The following DSCAM variants were observed in gnomAD, a reference collection of about 807,000 sequenced individuals.
DSCAM encodes DS cell adhesion molecule.
A neutral mutation model predicts 217.7 loss-of-function variants in DSCAM; 47 were observed. That is an observed-to-expected ratio of 0.22 (90% CI 0.17 to 0.28). The LOEUF (loss-of-function observed/expected upper bound fraction) is 0.28. DSCAM is among the 10% of genes least tolerant of loss of function. DSCAM has a pLI of 1.00. For missense variants in DSCAM, 2,080 were observed against 2,618.3 expected (o/e 0.79, Z 4.49); for synonymous variants, 1,056 against 1,015.3 (o/e 1.04, Z -0.76).
intron 3 of DSCAM, among the ~76,000 whole-genome samples, chr21:40,484,710 A>G (rs954269787): frequency 3.9e-5 from 6 of 152,162 alleles, no homozygotes; most frequent in African/African-American, 1.4e-4. Flanking sequence ...CCAAGCATAA[A>G]ATGCAACTCT....
chr21:40,433,500 G>T (rs2075555610), intron 3 of DSCAM, among the ~76,000 whole-genome samples: 1 of 152,148 alleles, frequency 6.6e-6, no homozygotes, highest in African/African-American at 2.4e-5. Context: ...ATTTTTCTTT[G>T]AAGATGATTT....
At chr21:40,713,467 G>C (rs2090805523) in intron 1 of DSCAM, among the ~76,000 whole-genome samples, 1 of 152,204 alleles carries the variant, frequency 6.6e-6, no homozygotes, top group South Asian at 2.1e-4. Context: ...TCACTAAGGA[G>C]AGATGGGAAG....
chr21:40,190,552 C>T lies in DSCAM; in HGVS notation c.2357-1314G>A, dbSNP rs138531940. On this transcript the variant is annotated intron_variant, in intron 11 of 32. Coordinates refer to ENST00000400454, the MANE Select transcript of DSCAM (RefSeq NM_001389.5). ...CAAAGAGAGAAGAAAGCTGCCTCAG[C>T]TTGTGTTATATATGTAGAAAAACAA... 3.5e-3 allele frequency among the ~76,000 whole-genome samples: 528 copies of T among 152,252 alleles called. 6 individuals are homozygous for T. The highest frequency in any genetic ancestry group is 0.012 in the African/African-American group (510 of 41,548).
intron 1 of DSCAM, among the ~76,000 whole-genome samples, chr21:40,781,101 G>A (rs572354508): frequency 2.4e-4 from 36 of 151,988 alleles, no homozygotes; most frequent in African/African-American, 6.0e-4. Flanking sequence ...CTCCACCTCC[G>A]GGGTTCAAGC....
chr21:40,243,172 G>T (rs1345529885), intron 11 of DSCAM, among the ~76,000 whole-genome samples: 1 of 152,178 alleles, frequency 6.6e-6, no homozygotes, highest in Non-Finnish European at 1.5e-5. Flanking sequence ...GAACATGAAA[G>T]CTCAGGAGAA....
intron 3 of DSCAM, among the ~76,000 whole-genome samples, chr21:40,455,363 C>A (rs980735256): frequency 3.3e-5 from 5 of 151,916 alleles, no homozygotes; most frequent in African/African-American, 4.8e-5. Context: ...TATAAGCTAT[C>A]AGAATACTTG....
chr21:40,131,400 TCTC>T (rs1450115739), intron 19 of DSCAM, among the ~76,000 whole-genome samples: 2 of 152,226 alleles, frequency 1.3e-5, no homozygotes, highest in Non-Finnish European at 2.9e-5. Context: ...TTCTAGTTCT[TCTC>T]TTCTTCCACC....
chr21:40,753,233 G>A (rs1011833299), intron 1 of DSCAM, among the ~76,000 whole-genome samples: 17 of 152,288 alleles, frequency 1.1e-4, no homozygotes, highest in African/African-American at 3.1e-4. Flanking sequence ...GGTATTCCTT[G>A]GTCTGTTAGT....
chr21:40,056,165 A>G (rs1442557321), intron 28 of DSCAM, among the ~76,000 whole-genome samples: 1 of 152,206 alleles, frequency 6.6e-6, no homozygotes, highest in Non-Finnish European at 1.5e-5. Flanking sequence ...TTAAAAACCA[A>G]CAGCATTTTC....
intron 27 of DSCAM, among the ~76,000 whole-genome samples, chr21:40,064,172 T>TAC (rs55895434): frequency 6.0e-5 from 9 of 150,914 alleles, no homozygotes; most frequent in Admixed American, 2.6e-4. Context: ...TATATATACA[T>TAC]ACACACACAC....
At position 40,693,010 on chromosome 21, in the gene DSCAM, G is replaced by A. The variant is rs1423144513; in HGVS notation, c.362-54C>T. ...GGCACACGGTCAACAGGCTCATTCT[G>A]AGAGTATCTCACTGTAATATATACA... On this transcript the variant is annotated intron_variant, in intron 2 of 32. Transcript: ENST00000400454. 8.3e-6 allele frequency: 13 copies of A among 1,572,044 alleles called. No homozygotes were observed. In the Middle Eastern group the frequency reaches 1.2e-3, roughly 143 times the overall value.
At chr21:40,201,302 T>C (rs2091066991) in intron 11 of DSCAM, among the ~76,000 whole-genome samples, 1 of 152,176 alleles carries the variant, frequency 6.6e-6, no homozygotes, top group Admixed American at 6.5e-5. Context: ...TTAAGACAAG[T>C]ATGAATATTA....
At chr21:40,670,549 AAGTG>A in intron 3 of DSCAM, among the ~76,000 whole-genome samples, 1 of 152,102 alleles carries the variant, frequency 6.6e-6, no homozygotes, top group African/African-American at 2.4e-5. Flanking sequence ...AAAAAAAAAA[AAGTG>A]ACTACTTTAG....
At chr21:40,754,843 A>T (rs2091260684) in intron 1 of DSCAM, among the ~76,000 whole-genome samples, 1 of 152,242 alleles carries the variant, frequency 6.6e-6, no homozygotes, top group Non-Finnish European at 1.5e-5. Context: ...AGAAAGATAC[A>T]GCCTAAAATA....
At chr21:40,395,639 G>T (rs1055980224) in intron 3 of DSCAM, among the ~76,000 whole-genome samples, 2 of 151,692 alleles carry the variant, frequency 1.3e-5, no homozygotes, top group Non-Finnish European at 2.9e-5. Context: ...CTGAGACCTT[G>T]CTATTGGTTT....
At chr21:40,195,931 GCA>G (rs1197812310) in intron 11 of DSCAM, among the ~76,000 whole-genome samples, 1 of 152,188 alleles carries the variant, frequency 6.6e-6, no homozygotes, top group Non-Finnish European at 1.5e-5. Flanking sequence ...ACACTTTAAT[GCA>G]CAGTGTTGAA....
At chr21:40,044,687 A>T (rs1262613311) in intron 30 of DSCAM, among the ~76,000 whole-genome samples, 2 of 152,210 alleles carry the variant, frequency 1.3e-5, no homozygotes, top group Non-Finnish European at 2.9e-5. Flanking sequence ...TGTGCTAGAG[A>T]ATGACTTGAG....
chr21:40,049,377 C>T (rs1353345950), intron 30 of DSCAM, among the ~76,000 whole-genome samples: 1 of 152,118 alleles, frequency 6.6e-6, no homozygotes, highest in Non-Finnish European at 1.5e-5. Context: ...GCCCCCTCTG[C>T]TCCTGCTGTG....
chr21:40,807,643 C>T (rs1379735341), intron 1 of DSCAM, among the ~76,000 whole-genome samples: 2 of 152,034 alleles, frequency 1.3e-5, no homozygotes, highest in African/African-American at 4.8e-5. Context: ...TATAAAGACC[C>T]AAAGGTCATA....
Sources: gnomAD v4.1 joint callset for allele counts (sites outside exome capture counted in the v4.1 genomes callset) on GRCh38, gnomAD v4.1.1 for gene constraint, MANE v1.5 for transcripts, NCBI Gene and HGNC (gene_info 2026-07-23, HGNC 2026-07-21) for gene names.